COQ3: variants seen among roughly 807,000 people sequenced by gnomAD.
The protein encoded by COQ3 is ubiquinone biosynthesis O-methyltransferase, mitochondrial.
In COQ3, 29 loss-of-function variants were observed where a neutral mutation model predicts 33.1. The ratio of observed to expected loss-of-function variants is 0.88; its 90% confidence interval spans 0.65 to 1.19. The LOEUF (loss-of-function observed/expected upper bound fraction) is 1.19. COQ3 is among the 50% of genes most tolerant of loss of function. The probability of loss-of-function intolerance (pLI) is 0.00; values close to 1 mark genes in which losing one functional copy is unlikely to be tolerated. For synonymous variants in COQ3, 173 were observed against 157.8 expected (o/e 1.10, Z -0.72); for missense variants, 437 against 430.7 (o/e 1.01, Z -0.13).
chr6:99,372,971 G>A (rs9483840), intron 5 of COQ3, among the ~76,000 whole-genome samples: 3,820 of 151,950 alleles, frequency 0.025, 186 homozygotes, highest in African/African-American at 0.088. Context: ...GACAAGAGAG[G>A]GCCCTGAAAT....
intron 6 of COQ3, among the ~76,000 whole-genome samples, chr6:99,371,029 C>A (rs1774128728): frequency 1.3e-5 from 2 of 151,976 alleles, no homozygotes; most frequent in African/African-American, 4.8e-5. Context: ...AAAAGTGATA[C>A]TGAAGTTCAA....
intron 3 of COQ3, among the ~76,000 whole-genome samples, chr6:99,379,582 C>A (rs1035556417): frequency 2.0e-5 from 3 of 152,132 alleles, no homozygotes; most frequent in African/African-American, 7.2e-5. Context: ...GGGCCAGGCA[C>A]GGTAGCTCAT....
In COQ3 at chr6:99,389,194, C is replaced by T. The variant is rs577100520; in HGVS notation, c.106+4880G>A. Among the ~76,000 whole-genome samples, 10 of 152,302 alleles carry T rather than the reference C, an allele frequency of 6.6e-5. No homozygotes were observed. The South Asian group carries it at 1.7e-3, about 25-fold the overall frequency. ...TTGGACTGCAGAGGCATGATCTCAG[C>T]TCACTGCAATCTCTGCCTCCCAGTT... On this transcript the variant is annotated intron_variant, in intron 1 of 6. Coordinates refer to ENST00000254759, the MANE Select transcript of COQ3 (RefSeq NM_017421.4).
chr6:99,372,587 T>C (rs1379444231), intron 5 of COQ3, among the ~76,000 whole-genome samples: 1 of 151,958 alleles, frequency 6.6e-6, no homozygotes, highest in African/African-American at 2.4e-5. Context: ...CCGGCTAATG[T>C]TTGTATTTTT....
Position 99,378,105 on chromosome 6 carries a change from CATATATATATATATATAT to C in COQ3, c.387-638_387-621del, listed in dbSNP as rs57039767. On this transcript the variant is annotated intron_variant, in intron 3 of 6. Transcript: ENST00000254759. ...ACACCTAACAGTATTGTAAACTAAACATATATATATATATATATATATATATATATATATATATATATA... is the reference window on the plus strand; with the variant it reads ...ACACCTAACAGTATTGTAAACTAAACATATATATATATATATATATATATA... Among the ~76,000 whole-genome samples the C allele has an allele frequency of 9.0e-3, 695 of 77,490 alleles. 12 individuals carry two copies. Among genetic ancestry groups the C allele is most frequent in the African/African-American group, 0.032 (499 of 15,810 alleles). 50.8% of individuals were successfully genotyped at this position (77,490 alleles called of 152,430 possible).
At chr6:99,393,071 G>T (rs1207275158) in intron 1 of COQ3, among the ~76,000 whole-genome samples, 1 of 151,964 alleles carries the variant, frequency 6.6e-6, no homozygotes, top group Non-Finnish European at 1.5e-5. Flanking sequence ...TTCAGAAAAA[G>T]AAAAGTATAT....
At position 99,369,503 on chromosome 6, in the gene COQ3, T is replaced by C. The variant is rs1774060700; in HGVS notation, c.*97A>G. On this transcript the variant is annotated 3_prime_UTR_variant, in exon 7 of 7. Transcript: ENST00000254759. ...GTTTTAGCCCTTTTTATTGACCTTC[T>C]TTTCTTCATGATTCTCTCTCAAAGG... 1.9e-6 allele frequency: 2 copies of C among 1,036,316 alleles called. No homozygotes were observed. Among genetic ancestry groups the C allele is most frequent in the African/African-American group, 1.6e-5 (1 of 61,816 alleles). 64.2% of individuals were successfully genotyped at this position (1,036,316 alleles called of 1,614,324 possible).
intron 3 of COQ3, among the ~76,000 whole-genome samples, chr6:99,379,472 T>TG (rs1173731849): frequency 3.9e-5 from 6 of 152,224 alleles, no homozygotes; most frequent in African/African-American, 1.4e-4. Context: ...CCCTGAGCTC[T>TG]GTATGAGGTA....
In COQ3 at chr6:99,383,704, C is replaced by A. The variant is rs776961483; in HGVS notation, c.227G>T (p.Ser76Ile). 2 of 1,576,866 alleles carry A rather than the reference C, an allele frequency of 1.3e-6. No individual in the cohort carries two copies. The highest frequency in any genetic ancestry group is 1.7e-6 in the Non-Finnish European group (2 of 1,167,372). Reference sequence around the variant, plus strand: ...ACAGTAATAATAAACCCACCTGAAACTCTTTATTCTGTTCAAACAGGAAAA... The same window carrying A: ...ACAGTAATAATAAACCCACCTGAAAATCTTTATTCTGTTCAAACAGGAAAA... The part of the protein sequence containing the change: ...TIFSCLNRIK[S>I]FRYPWARLYS... The change falls in exon 2 of 7, where the codon AGT becomes ATT. Residue 76 changes from serine (S) to isoleucine (I), a missense_variant. By Grantham distance (142) the Ser-to-Ile change is moderately radical. Coordinates refer to ENST00000254759, the MANE Select transcript of COQ3 (RefSeq NM_017421.4).
chr6:99,388,911 A>T (rs1315709524), intron 1 of COQ3, among the ~76,000 whole-genome samples: 1 of 148,974 alleles, frequency 6.7e-6, no homozygotes, highest in Non-Finnish European at 1.5e-5. Flanking sequence ...ACACACACAC[A>T]CACACACACA....
At chr6:99,376,587 GT>G (rs1005508462) in intron 4 of COQ3, among the ~76,000 whole-genome samples, 49 of 152,260 alleles carry the variant, frequency 3.2e-4, no homozygotes, top group Non-Finnish European at 5.4e-4. Context: ...TTTCTCAAAA[GT>G]TTTTTTCTCT....
At chr6:99,388,614 G>A (rs1373915256) in intron 1 of COQ3, among the ~76,000 whole-genome samples, 1 of 152,002 alleles carries the variant, frequency 6.6e-6, no homozygotes, top group Non-Finnish European at 1.5e-5. Context: ...TTGGGAGATT[G>A]AGGCAGGTGG....
rs373223154 is a variant in COQ3 at position 99,371,488 on chromosome 6, C to T, written c.829G>A (p.Gly277Ser). The change falls in exon 6 of 7, where the codon GGT becomes AGT. Residue 277 changes from glycine (G) to serine (S), a missense_variant. By Grantham distance (56) the Gly-to-Ser change is moderately conservative. Coordinates refer to ENST00000254759, the MANE Select transcript of COQ3 (RefSeq NM_017421.4). Reference sequence around the variant, plus strand: ...ACAAACTTCTCCCATGTATGAGTACCTTTTGGTACAATACTTGCAATTTGC... The same window carrying T: ...ACAAACTTCTCCCATGTATGAGTACTTTTTGGTACAATACTTGCAATTTGC... ...SEQIASIVPK[G>S]THTWEKFVSP... is the part of the protein sequence containing the mutation. 2.5e-6 allele frequency: 4 copies of T among 1,606,562 alleles called. No individual in the cohort carries two copies. Among genetic ancestry groups the T allele is most frequent in the East Asian group, 2.2e-5 (1 of 44,514 alleles).
Position 99,376,004 on chromosome 6 carries a change from G to A in COQ3, c.665C>T (p.Ser222Phe), listed in dbSNP as rs1162069982. The A allele has an allele frequency of 5.0e-6, 8 of 1,614,036 alleles. No individual in the cohort carries two copies. Among genetic ancestry groups the A allele is most frequent in the Non-Finnish European group, 6.8e-6 (8 of 1,179,916 alleles). ...ATCAATCACATGTTCTACAACTTCA[G>A]AAGCTACAACAGCATCAAATGTTTC... is the stretch of plus-strand genomic sequence containing the variant. ...TAETFDAVVA[S>F]EVVEHVIDLE... Residue 222 changes from serine to phenylalanine, a missense_variant, in exon 5 of 7, where the codon TCT becomes TTT. Coordinates refer to ENST00000254759, the MANE Select transcript of COQ3 (RefSeq NM_017421.4).
intron 5 of COQ3, among the ~76,000 whole-genome samples, chr6:99,374,297 C>G (rs2128470265): frequency 6.6e-6 from 1 of 152,098 alleles, no homozygotes; most frequent in Middle Eastern, 3.4e-3. Context: ...AATAGGCAAC[C>G]CCTTTCAGGG....
intron 5 of COQ3, among the ~76,000 whole-genome samples, chr6:99,375,538 C>T (rs1774259329): frequency 6.6e-6 from 1 of 151,986 alleles, no homozygotes; most frequent in Admixed American, 6.6e-5. Flanking sequence ...CATGCACCAC[C>T]ATGTCCAGCT....
At chr6:99,379,278 T>A (rs1046369551) in intron 3 of COQ3, among the ~76,000 whole-genome samples, 1 of 152,172 alleles carries the variant, frequency 6.6e-6, no homozygotes, top group Non-Finnish European at 1.5e-5. Context: ...GGATAAACAA[T>A]TTGGATGCTT....
intron 1 of COQ3, among the ~76,000 whole-genome samples, chr6:99,391,798 A>AG (rs1479603104): frequency 6.6e-6 from 1 of 152,188 alleles, no homozygotes; most frequent in Non-Finnish European, 1.5e-5. Context: ...CAGGAGTTCA[A>AG]GACCAGCCTG....
chr6:99,393,661 C>A (rs1286077195), intron 1 of COQ3, among the ~76,000 whole-genome samples: 1 of 152,190 alleles, frequency 6.6e-6, no homozygotes, highest in Admixed American at 6.5e-5. Flanking sequence ...GCCTTAAATT[C>A]TTTCTGAAAA....
Sources: gnomAD v4.1 joint callset for allele counts (sites outside exome capture counted in the v4.1 genomes callset) on GRCh38, gnomAD v4.1.1 for gene constraint, MANE v1.5 for transcripts, NCBI Gene and HGNC (gene_info 2026-07-23, HGNC 2026-07-21) for gene names.